PRPF8: variants seen among roughly 807,000 people sequenced by gnomAD.
The protein encoded by PRPF8 is pre-mRNA processing factor 8.
In PRPF8, 64 loss-of-function variants were observed where a neutral mutation model predicts 285.9. The observed-to-expected ratio is 0.22, with a 90% confidence interval of 0.18 to 0.28. The LOEUF (loss-of-function observed/expected upper bound fraction) is 0.28. PRPF8 is among the 10% of genes least tolerant of loss of function. PRPF8 has a pLI of 1.00. For missense variants in PRPF8, 1,426 were observed against 3,026.7 expected, an observed-to-expected ratio of 0.47 and a Z score of 12.41; for synonymous variants, 1,325 against 1,118.2, an observed-to-expected ratio of 1.18 and a Z score of -3.69.
rs777370814 is a variant in PRPF8, at chr17:1,659,972, T to C, written c.4815A>G (p.Glu1605=). ...TTGTCTCCTTTTGTACTGTCTCAAT[T>C]TCCAGTGCATCAAGTTCCTGGTCAA... ...QVFDQELDAL[E]IETVQKETIH... The change falls in exon 31 of 43, where the codon GAA becomes GAG. Residue 1605 remains glutamate, a synonymous_variant. Transcript: ENST00000304992. This position sits in a 1 kb window ranked among gnomAD's most constrained non-coding sequence, Gnocchi z 5.1. 6.2e-7 allele frequency: 1 copy of C among 1,614,174 alleles called. No homozygotes were observed. The highest frequency in any genetic ancestry group is 2.2e-5 in the East Asian group (1 of 44,890).
chr17:1,674,314 A>G (rs551524101), intron 21 of PRPF8, 128 bp downstream of exon 21: 12 of 994,870 alleles, frequency 1.2e-5, no homozygotes, highest in South Asian at 1.2e-4. Context: ...GAGCTACCGC[A>G]CCCGGCCGCT....
intron 2 of PRPF8, among the ~76,000 whole-genome samples, chr17:1,683,946 G>A (rs1408212055): frequency 6.6e-6 from 1 of 151,140 alleles, no homozygotes; most frequent in Non-Finnish European, 1.5e-5. Flanking sequence ...GAGTGCAATG[G>A]TGCGATGTCG....
intron 24 of PRPF8, among the ~76,000 whole-genome samples, chr17:1,664,828 T>C (rs755659200): frequency 2.0e-5 from 3 of 152,008 alleles, no homozygotes; most frequent in Non-Finnish European, 4.4e-5. Context: ...GAATATACTT[T>C]TAACTAAATA....
chr17:1,659,105 A>C lies in PRPF8; in HGVS notation c.5138+252T>G. 2 of 620,280 alleles carry C rather than the reference A, an allele frequency of 3.2e-6. No homozygotes were observed. The highest frequency in any genetic ancestry group is 3.7e-5 in the South Asian group (2 of 53,634). The allele number at this position is 620,280 out of a possible 1,614,324, so 38.4% of individuals were successfully genotyped here. On this transcript the variant is annotated intron_variant, in intron 32 of 42. Coordinates refer to ENST00000304992, the MANE Select transcript of PRPF8 (RefSeq NM_006445.4). The surrounding 1 kb of genome is among the most constrained non-coding windows in gnomAD (Gnocchi z 5.1). Reference sequence around the variant, plus strand: ...CAGTGGCGCAATCTCGGTTCACTGCAAGCTCCGCCTCCCGGGTTCAAGTAA... The same window carrying C: ...CAGTGGCGCAATCTCGGTTCACTGCCAGCTCCGCCTCCCGGGTTCAAGTAA...
chr17:1,676,148 G>A lies in PRPF8; in HGVS notation c.2552+59C>T. 6.2e-7 allele frequency: 1 copy of A among 1,612,072 alleles called. No homozygotes were observed. The highest frequency in any genetic ancestry group is 8.5e-7 in the Non-Finnish European group (1 of 1,179,844). The stretch of plus-strand genomic sequence containing the variant: ...ACACCTTCTTTCTTTGGACTCTGAG[G>A]ATGACGCCATTCCCTGCTGTCACCT... On this transcript the variant is annotated intron_variant, in intron 17 of 42. Coordinates refer to ENST00000304992, the MANE Select transcript of PRPF8 (RefSeq NM_006445.4). The surrounding 1 kb of genome is among the most constrained non-coding windows in gnomAD (Gnocchi z 6.3).
intron 36 of PRPF8, among the ~76,000 whole-genome samples, chr17:1,655,748 T>C (rs966071600): frequency 6.6e-6 from 1 of 151,636 alleles, no homozygotes; most frequent in Non-Finnish European, 1.5e-5. Flanking sequence ...TGCCTCAGCC[T>C]CCCGAATAGC....
rs575056329 is a variant in PRPF8, at chr17:1,684,811, C to A, written c.-43G>T. Reference sequence around the variant, plus strand: ...GGCCCTCACACAAGAGGCCGCTTTCCCCGCAGCGCAATGGCGGCCAGACTG... The same window carrying A: ...GGCCCTCACACAAGAGGCCGCTTTCACCGCAGCGCAATGGCGGCCAGACTG... On this transcript the variant is annotated 5_prime_UTR_variant, in exon 1 of 43. Transcript: ENST00000304992. 4 of 598,244 alleles carry A rather than the reference C, an allele frequency of 6.7e-6. No individual in the cohort carries two copies. Among genetic ancestry groups the A allele is most frequent in the South Asian group, 2.0e-5 (1 of 51,148 alleles). 37.1% of individuals were successfully genotyped at this position (598,244 alleles called of 1,614,324 possible).
At position 1,679,674 on chromosome 17, in the gene PRPF8, C is replaced by T. The variant is rs372154040; in HGVS notation, c.1224G>A (p.Pro408=). The change falls in exon 9 of 43, where the codon CCG becomes CCA. Residue 408 remains proline, a synonymous_variant. Transcript: ENST00000304992. This position sits in a 1 kb window ranked among gnomAD's most constrained non-coding sequence, Gnocchi z 4.7. ...TANGIALLWA[P]RPFNLRSGRT... is the part of the protein sequence containing the mutation. ...GACCAGAGCGTAGGTTGAAGGGCCGCGGGGCCCAGAGCAGGGCAATGCCAT... is the reference window on the plus strand; with the variant it reads ...GACCAGAGCGTAGGTTGAAGGGCCGTGGGGCCCAGAGCAGGGCAATGCCAT... The T allele has an allele frequency of 4.5e-5, 73 of 1,614,134 alleles. No individual in the cohort carries two copies. Among genetic ancestry groups the T allele is most frequent in the Non-Finnish European group, 5.8e-5 (68 of 1,180,034 alleles).
intron 8 of PRPF8, chr17:1,680,394 C>T (rs1231166470): frequency 2.4e-6 from 1 of 411,688 alleles, no homozygotes; most frequent in South Asian, 2.5e-5. Flanking sequence ...CATCAAATTA[C>T]ACACTTTAAA....
chr17:1,655,082 C>A (rs1226164082), intron 37 of PRPF8: 5 of 445,116 alleles, frequency 1.1e-5, no homozygotes, highest in Non-Finnish European at 2.1e-5. Context: ...CTCAGCCTCC[C>A]GAGTAGCTGG....
intron 2 of PRPF8, 120 bp downstream of exon 2, chr17:1,684,352 G>A: frequency 2.0e-6 from 2 of 987,226 alleles, no homozygotes; most frequent in Non-Finnish European, 3.2e-6. Flanking sequence ...AAATTAACTG[G>A]AAATAACAAG....
In PRPF8 at chr17:1,651,289, T is replaced by C; in HGVS notation, c.6672A>G (p.Thr2224=). The change falls in exon 42 of 43, where the codon ACA becomes ACG. Residue 2224 remains threonine (T), a synonymous_variant. Transcript: ENST00000304992. This position sits in a 1 kb window ranked among gnomAD's most constrained non-coding sequence, Gnocchi z 5.1. ...ITCSFTPGSC[T]LTAYKLTPSG... ...TGGGGGTCAGCTTGTAGGCCGTCAG[T>C]GTACAGGAGCCTGGCGTGAAGCTGG... The C allele has an allele frequency of 2.5e-6, 4 of 1,614,022 alleles. No homozygotes were observed. Among genetic ancestry groups the C allele is most frequent in the East Asian group, 4.5e-5 (2 of 44,876 alleles).
At chr17:1,666,507 C>T (rs1396488821) in intron 24 of PRPF8, among the ~76,000 whole-genome samples, 1 of 148,452 alleles carries the variant, frequency 6.7e-6, no homozygotes, top group Admixed American at 6.7e-5. Context: ...GCTGAGACTG[C>T]GACACTGCAC....
At position 1,679,883 on chromosome 17, in the gene PRPF8, A is replaced by C; in HGVS notation, c.1099-84T>G. The C allele has an allele frequency of 2.0e-6, 3 of 1,503,566 alleles. No individual in the cohort carries two copies. Among genetic ancestry groups the C allele is most frequent in the Non-Finnish European group, 1.9e-6 (2 of 1,079,474 alleles). 93.1% of individuals were successfully genotyped at this position (1,503,566 alleles called of 1,614,324 possible). The stretch of plus-strand genomic sequence containing the variant: ...TGAGGGAAATTCTCTGGGGCCAAGC[A>C]CAAAGCCTGTATCTGCTATGGAAAC... On this transcript the variant is annotated intron_variant, in intron 8 of 42. Transcript: ENST00000304992. This position sits in a 1 kb window ranked among gnomAD's most constrained non-coding sequence, Gnocchi z 4.7.
At chr17:1,670,104 G>A (rs903065486) in intron 24 of PRPF8, among the ~76,000 whole-genome samples, 1 of 152,132 alleles carries the variant, frequency 6.6e-6, no homozygotes, top group Non-Finnish European at 1.5e-5. Flanking sequence ...ATCAATTAAA[G>A]AGGCACCACT....
Position 1,661,421 on chromosome 17 carries a change from A to T in PRPF8, c.4203-15T>A, listed in dbSNP as rs1597232770. ...AAGTCAGGCGTCTTCCAAAAAAAGA[A>T]AGATTCAAGTCAAAACGTGATCTCA... On this transcript the variant is annotated splice_polypyrimidine_tract_variant and intron_variant, in intron 26 of 42. Coordinates refer to ENST00000304992, the MANE Select transcript of PRPF8 (RefSeq NM_006445.4). The surrounding 1 kb of genome is among the most constrained non-coding windows in gnomAD (Gnocchi z 7.3). The T allele has an allele frequency of 1.9e-6, 3 of 1,614,216 alleles. No homozygotes were observed. Among genetic ancestry groups the T allele is most frequent in the Non-Finnish European group, 1.7e-6 (2 of 1,180,054 alleles).
At chr17:1,664,714 T>C (rs1316349672) in intron 24 of PRPF8, among the ~76,000 whole-genome samples, 2 of 151,908 alleles carry the variant, frequency 1.3e-5, no homozygotes, top group Non-Finnish European at 2.9e-5. Flanking sequence ...TGTTTCCTAA[T>C]CATAATGGAA....
At chr17:1,667,895 C>G (rs927901534) in intron 24 of PRPF8, among the ~76,000 whole-genome samples, 1 of 152,130 alleles carries the variant, frequency 6.6e-6, no homozygotes. Flanking sequence ...CTAAGCTGGT[C>G]TCAAATTCCT....
chr17:1,663,316 TA>T (rs1911777136), intron 24 of PRPF8, among the ~76,000 whole-genome samples: 1 of 149,522 alleles, frequency 6.7e-6, no homozygotes, highest in South Asian at 2.1e-4. Context: ...AAAAAAAGAG[TA>T]AGACGGTAGA....
Sources: gnomAD v4.1 joint callset for allele counts (sites outside exome capture counted in the v4.1 genomes callset) on GRCh38, gnomAD v4.1.1 for gene constraint, Gnocchi (gnomAD v3.1) non-coding constraint, MANE v1.5 for transcripts, NCBI Gene and HGNC (gene_info 2026-07-23, HGNC 2026-07-21) for gene names.